Variants in CHD7 observed in about 807,000 individuals in gnomAD.
The protein encoded by CHD7 is chromodomain helicase DNA binding protein 7, also known as ATP-dependent chromatin remodeler CHD7.
In CHD7, 24 loss-of-function variants were observed where a neutral mutation model predicts 307.3. The observed-to-expected ratio is 0.08, with a 90% CI of 0.06 to 0.11. CHD7 has a LOEUF of 0.11. Ranked by LOEUF, CHD7 falls within the 10% of genes least tolerant of loss-of-function variation. The pLI is 1.00. For missense variants in CHD7, 3,106 were observed against 3,727.1 expected (o/e 0.83, Z 4.34); for synonymous variants, 1,363 against 1,349.9 (o/e 1.01, Z -0.21).
chr8:60,708,079 G>A (rs189023345), intron 1 of CHD7, among the ~76,000 whole-genome samples: 3 of 152,300 alleles, frequency 2.0e-5, no homozygotes, highest in East Asian at 3.9e-4. Flanking sequence ...AGGGTGGTGC[G>A]TAAAGCAGCC....
intron 4 of CHD7, among the ~76,000 whole-genome samples, chr8:60,798,435 A>T (rs75166407): frequency 0.021 from 3,226 of 152,272 alleles, 100 homozygotes; most frequent in African/African-American, 0.063. Context: ...TATCTATTTG[A>T]TGGTCATATT....
intron 13 of CHD7, among the ~76,000 whole-genome samples, chr8:60,826,449 C>T (rs1457125638): frequency 6.6e-6 from 1 of 152,198 alleles, no homozygotes; most frequent in African/African-American, 2.4e-5. Context: ...ATCTTGAGAA[C>T]TTAGCCACTT....
intron 7 of CHD7, chr8:60,809,670 A>AAAAAAAAAAAAAAGG: frequency 9.0e-5 from 1 of 11,110 alleles, no homozygotes; most frequent in South Asian, 0.014. Flanking sequence ...GGAGTTTTGA[A>AAAAAAAAAAAAAAGG]AAAAAAAAAA....
At chr8:60,766,404 GT>G (rs1218264418) in intron 2 of CHD7, among the ~76,000 whole-genome samples, 1 of 152,232 alleles carries the variant, frequency 6.6e-6, no homozygotes, top group Non-Finnish European at 1.5e-5. Flanking sequence ...AGATGGGAAG[GT>G]ACTGGAGATC....
chr8:60,689,726 ATGT>A (rs1267496117), intron 1 of CHD7, among the ~76,000 whole-genome samples: 1 of 152,202 alleles, frequency 6.6e-6, no homozygotes, highest in East Asian at 1.9e-4. Flanking sequence ...CTTTCCTCAG[ATGT>A]TGTATCTTAT....
intron 2 of CHD7, among the ~76,000 whole-genome samples, chr8:60,763,123 T>C (rs556963437): frequency 6.6e-6 from 1 of 152,180 alleles, no homozygotes; most frequent in Non-Finnish European, 1.5e-5. Context: ...TGTAAAATTA[T>C]CTAGTCACCA....
chr8:60,835,490 A>T (rs1804701055), intron 15 of CHD7, among the ~76,000 whole-genome samples: 1 of 152,230 alleles, frequency 6.6e-6, no homozygotes, highest in Non-Finnish European at 1.5e-5. Context: ...TTTAGAGATT[A>T]CAATAGTTGT....
intron 21 of CHD7, among the ~76,000 whole-genome samples, chr8:60,843,572 C>T (rs1053495088): frequency 6.6e-6 from 1 of 152,216 alleles, no homozygotes; most frequent in Non-Finnish European, 1.5e-5. Flanking sequence ...AGTCATGGCT[C>T]AGGCAGGCAG....
At chr8:60,829,566 A>G (rs905747098) in intron 14 of CHD7, among the ~76,000 whole-genome samples, 4 of 152,198 alleles carry the variant, frequency 2.6e-5, no homozygotes, top group Non-Finnish European at 2.9e-5. Flanking sequence ...GCACCACTGC[A>G]CTCCAGCCTG....
At position 60,803,355 on chromosome 8, in the gene CHD7, T is replaced by C. The variant is rs1472679527; in HGVS notation, c.2442+1762T>C. Among the ~76,000 whole-genome samples the C allele has an allele frequency of 3.3e-5, 5 of 152,324 alleles. No individual in the cohort carries two copies. The East Asian group carries it at 9.6e-4, about 29-fold the overall frequency. On this transcript the variant is annotated intron_variant, in intron 6 of 37. Coordinates refer to ENST00000423902, the MANE Select transcript of CHD7 (RefSeq NM_017780.4). ...ATTATTCAGAGCTATTTAGACTATA[T>C]ATTATGTAGAACATTGCTTTTTCTT...
chr8:60,765,230 C>CAT (rs56097390), intron 2 of CHD7, among the ~76,000 whole-genome samples: 9 of 150,916 alleles, frequency 6.0e-5, no homozygotes, highest in Non-Finnish European at 1.0e-4. Flanking sequence ...CACACACACA[C>CAT]GCACACGCAT....
intron 32 of CHD7, 56 bp from the exon 33 acceptor site, chr8:60,855,919 A>G: frequency 7.0e-6 from 8 of 1,146,794 alleles, no homozygotes; most frequent in Non-Finnish European, 1.0e-5. Context: ...GTATTTATCT[A>G]GTAATTTTAA....
chr8:60,823,749 A>T (rs1804147261), intron 12 of CHD7, 91 bp from the exon 13 acceptor site: 3 of 1,081,878 alleles, frequency 2.8e-6, no homozygotes, highest in South Asian at 2.8e-5. Flanking sequence ...CTCCAAAGGG[A>T]TAAATACGTA....
At chr8:60,747,429 T>C (rs1005016254) in intron 2 of CHD7, among the ~76,000 whole-genome samples, 2 of 152,202 alleles carry the variant, frequency 1.3e-5, no homozygotes, top group Non-Finnish European at 2.9e-5. Flanking sequence ...TTAAAAATAA[T>C]AAACCATTAT....
At chr8:60,850,444 C>T in intron 25 of CHD7, 49 bp from the exon 26 acceptor site, 3 of 1,566,810 alleles carry the variant, frequency 1.9e-6, no homozygotes, top group Middle Eastern at 1.7e-4. Flanking sequence ...AGTGATGGGG[C>T]CTTTCTTTGT....
intron 3 of CHD7, among the ~76,000 whole-genome samples, chr8:60,782,993 A>G (rs886534650): frequency 6.6e-6 from 1 of 152,192 alleles, no homozygotes; most frequent in Non-Finnish European, 1.5e-5. Context: ...CTTAAAACAT[A>G]GGAGTCTGTG....
intron 1 of CHD7, among the ~76,000 whole-genome samples, chr8:60,712,292 T>A (rs1807316663): frequency 1.3e-5 from 2 of 152,230 alleles, no homozygotes; most frequent in Admixed American, 1.3e-4. Context: ...TTGACTGAAC[T>A]TCTACAGCTT....
At chr8:60,765,752 T>G (rs1367918733) in intron 2 of CHD7, among the ~76,000 whole-genome samples, 1 of 152,230 alleles carries the variant, frequency 6.6e-6, no homozygotes, top group Non-Finnish European at 1.5e-5. Flanking sequence ...CAGCTTTCAG[T>G]GTGGTTCACA....
chr8:60,805,850 TTGAAGGCATTGAA>T (rs1224128218), intron 6 of CHD7, among the ~76,000 whole-genome samples: 2 of 152,172 alleles, frequency 1.3e-5, no homozygotes, highest in Non-Finnish European at 2.9e-5. Context: ...TTTGATACAT[TTGAAGGCATTGAA>T]AATGCCTTCA....
Sources: allele counts gnomAD v4.1 joint callset (sites outside exome capture counted in the v4.1 genomes callset), GRCh38; gene constraint gnomAD v4.1.1; transcripts MANE v1.5; gene names NCBI Gene and HGNC (gene_info 2026-07-23, HGNC 2026-07-21).